The following ADAMTS9 variants were observed in gnomAD, a reference collection of about 807,000 sequenced individuals.
ADAMTS9 encodes A disintegrin and metalloproteinase with thrombospondin motifs 9.
In ADAMTS9, 107 loss-of-function variants were observed where a neutral mutation model predicts 257.1. The ratio of observed to expected loss-of-function variants is 0.42; its 90% CI spans 0.36 to 0.49. ADAMTS9 has a LOEUF of 0.49. Ranked by LOEUF, ADAMTS9 falls within the 20% of genes least tolerant of loss-of-function variation. ADAMTS9 has a pLI of 0.03. For missense variants in ADAMTS9, 2,353 were observed against 2,469.1 expected, an observed-to-expected ratio of 0.95 and a Z score of 1.00; for synonymous variants, 982 against 880.9, an observed-to-expected ratio of 1.11 and a Z score of -2.03.
At chr3:64,599,372 G>A (rs2084418176) in intron 26 of ADAMTS9, among the ~76,000 whole-genome samples, 1 of 152,166 alleles carries the variant, frequency 6.6e-6, no homozygotes, top group South Asian at 2.1e-4. Flanking sequence ...AACAAACTTT[G>A]AATCTATTAG....
intron 9 of ADAMTS9, 29 bp from the exon 10 acceptor site, chr3:64,649,807 G>A: frequency 6.3e-7 from 1 of 1,594,284 alleles, no homozygotes; most frequent in African/African-American, 1.3e-5. Context: ...ACACACAGAT[G>A]GTGAGAACGG....
intron 11 of ADAMTS9, among the ~76,000 whole-genome samples, chr3:64,647,513 T>G (rs1221421664): frequency 6.6e-6 from 1 of 152,238 alleles, no homozygotes; most frequent in Non-Finnish European, 1.5e-5. Flanking sequence ...GGTATCATAG[T>G]AGTACCTGCA....
intron 3 of ADAMTS9, among the ~76,000 whole-genome samples, chr3:64,660,636 C>G (rs1280793589): frequency 1.3e-5 from 2 of 152,142 alleles, no homozygotes; most frequent in Non-Finnish European, 1.5e-5. Flanking sequence ...ACCTAGTAGC[C>G]ATTCCGGTGA....
At position 64,580,369 on chromosome 3, in the gene ADAMTS9, A is replaced by G. The variant is rs79938885; in HGVS notation, c.4357-11834T>C. Reference sequence around the variant, plus strand: ...GACTCTAAAACCAATACCGAGCCCAAGATTTTGTAAAGTGAATTTGATAGA... The same window carrying G: ...GACTCTAAAACCAATACCGAGCCCAGGATTTTGTAAAGTGAATTTGATAGA... On this transcript the variant is annotated intron_variant, in intron 28 of 39. Coordinates refer to ENST00000498707, the MANE Select transcript of ADAMTS9 (RefSeq NM_182920.2). Among the ~76,000 whole-genome samples, 14 of 152,258 alleles carry G rather than the reference A, an allele frequency of 9.2e-5. No individual in the cohort carries two copies. The East Asian group carries it at 2.7e-3, about 29-fold the overall frequency.
intron 3 of ADAMTS9, among the ~76,000 whole-genome samples, chr3:64,677,440 GTA>G: frequency 6.6e-6 from 1 of 152,278 alleles, no homozygotes; most frequent in Middle Eastern, 3.4e-3. Flanking sequence ...GTTGCATTGG[GTA>G]CAGAGGAAAC....
intron 3 of ADAMTS9, among the ~76,000 whole-genome samples, chr3:64,667,874 C>T (rs1422350339): frequency 6.6e-6 from 1 of 152,182 alleles, no homozygotes; most frequent in Non-Finnish European, 1.5e-5. Context: ...AATGAGGAAA[C>T]TGAGGGACAC....
Position 64,561,658 on chromosome 3 carries a change from A to G in ADAMTS9, c.4618T>C (p.Tyr1540His), listed in dbSNP as rs1294437081. ...TCGCGTTCCGACTCCGGTCTGGTGTATGGGTTGCACTCGGTCTCTCTGGCT... is the reference window on the plus strand; with the variant it reads ...TCGCGTTCCGACTCCGGTCTGGTGTGTGGGTTGCACTCGGTCTCTCTGGCT... ...KIARETECNP[Y>H]TRPESERDCQ... is the part of the protein sequence containing the mutation. Residue 1540 changes from tyrosine (Y) to histidine (H), a missense_variant, in exon 30 of 40, where the codon TAC becomes CAC. Around this residue, in one of 3 missense-constraint regions of ADAMTS9, gnomAD observed 1,402 missense variants for 1,441.4 expected, o/e 0.97. Coordinates refer to ENST00000498707, the MANE Select transcript of ADAMTS9 (RefSeq NM_182920.2). 3.7e-6 allele frequency: 6 copies of G among 1,614,026 alleles called. No homozygotes were observed. The highest frequency in any genetic ancestry group is 5.1e-6 in the Non-Finnish European group (6 of 1,179,968).
intron 9 of ADAMTS9, chr3:64,650,650 A>C (rs1233409519): frequency 1.1e-5 from 2 of 186,684 alleles, no homozygotes; most frequent in African/African-American, 4.8e-5. Context: ...ACCCCTTTTC[A>C]GGCCCAAATT....
intron 28 of ADAMTS9, among the ~76,000 whole-genome samples, chr3:64,572,832 G>C (rs9311897): frequency 0.61 from 92,379 of 151,840 alleles, 30,692 homozygotes; most frequent in African/African-American, 0.88. Context: ...GTAATCCCAG[G>C]ACTTTGGGAG....
At chr3:64,575,339 G>A (rs1202036258) in intron 28 of ADAMTS9, among the ~76,000 whole-genome samples, 1 of 152,176 alleles carries the variant, frequency 6.6e-6, no homozygotes, top group African/African-American at 2.4e-5. Flanking sequence ...ACACAGCAGG[G>A]AAGGAGAAAA....
chr3:64,631,395 A>G, intron 16 of ADAMTS9, 60 bp downstream of exon 16: 1 of 1,308,160 alleles, frequency 7.6e-7, no homozygotes, highest in Non-Finnish European at 1.1e-6. Context: ...GGAAGGAAGC[A>G]GTATCTGGCC....
intron 15 of ADAMTS9, 103 bp from the exon 16 acceptor site, chr3:64,631,653 A>G (rs1233189738): frequency 2.4e-6 from 3 of 1,225,196 alleles, no homozygotes; most frequent in East Asian, 2.3e-5. Flanking sequence ...TAATTCTCAT[A>G]TAATTCTATT....
chr3:64,535,708 C>T (rs2083041235), intron 37 of ADAMTS9, among the ~76,000 whole-genome samples: 1 of 151,820 alleles, frequency 6.6e-6, no homozygotes, highest in Admixed American at 6.6e-5. Flanking sequence ...TGTGCACCAC[C>T]ACGCCCAGCT....
At chr3:64,521,966 G>A (rs1056120804) in intron 39 of ADAMTS9, among the ~76,000 whole-genome samples, 200 bp downstream of exon 39, 4 of 152,178 alleles carry the variant, frequency 2.6e-5, no homozygotes, top group Non-Finnish European at 4.4e-5. Flanking sequence ...CTGTAGAGGG[G>A]AAGCCATGTC....
intron 30 of ADAMTS9, 67 bp from the exon 31 acceptor site, chr3:64,551,129 G>A (rs763391336): frequency 4.2e-5 from 65 of 1,529,564 alleles, no homozygotes; most frequent in Non-Finnish European, 5.5e-5. Context: ...GTAATTATGT[G>A]TTTACCTGTC....
intron 25 of ADAMTS9, among the ~76,000 whole-genome samples, chr3:64,603,419 T>TA (rs35096119): frequency 0.42 from 63,237 of 151,970 alleles, 13,562 homozygotes; most frequent in African/African-American, 0.53. Context: ...GTTCTACTTG[T>TA]AAAAAAACCC....
At chr3:64,556,714 T>TTCC (rs2083339016) in intron 30 of ADAMTS9, among the ~76,000 whole-genome samples, 2 of 138,204 alleles carry the variant, frequency 1.4e-5, no homozygotes, top group East Asian at 2.1e-4. Context: ...TCTATGTTTT[T>TTCC]TTCCTTCCTT....
At chr3:64,666,020 GACAAA>G (rs532038247) in intron 3 of ADAMTS9, among the ~76,000 whole-genome samples, 174 of 152,032 alleles carry the variant, frequency 1.1e-3, no homozygotes, top group Non-Finnish European at 1.5e-3. Flanking sequence ...CAACAGCAAT[GACAAA>G]ACAAGAATAA....
Position 64,649,735 on chromosome 3 carries a change from G to A in ADAMTS9, c.1507C>T (p.Pro503Ser). The change falls in exon 10 of 40, where the codon CCC (proline) becomes TCC (serine). Residue 503 changes from proline to serine, a missense_variant. Transcript: ENST00000498707. ...ECLLNEPESR[P>S]YPLPVQLPGI... ...GGCAGTTGGACAGGCAAAGGGTAGG[G>A]TCTGGATTCAGGTTCGTTAAGCAAA... is the stretch of plus-strand genomic sequence containing the variant. 1 of 1,614,008 alleles carries A rather than the reference G, an allele frequency of 6.2e-7. No homozygotes were observed. Among genetic ancestry groups the A allele is most frequent in the Non-Finnish European group, 8.5e-7 (1 of 1,179,980 alleles).
Sources: gnomAD v4.1 joint callset for allele counts (sites outside exome capture counted in the v4.1 genomes callset) on GRCh38, gnomAD v4.1.1 for gene constraint, gnomAD v4.1.1 regional missense constraint, MANE v1.5 for transcripts, NCBI Gene and HGNC (gene_info 2026-07-23, HGNC 2026-07-21) for gene names.